B3GNT2: variants seen among roughly 807,000 people sequenced by gnomAD.
The protein encoded by B3GNT2 is UDP-GlcNAc:betaGal beta-1,3-N-acetylglucosaminyltransferase 2, also known as N-acetyllactosaminide beta-1,3-N-acetylglucosaminyltransferase 2.
In B3GNT2, 12 loss-of-function variants were observed where a neutral mutation model predicts 27.6. That is an observed-to-expected ratio of 0.44 (90% CI 0.28 to 0.71). B3GNT2 has a LOEUF of 0.71. Ranked by LOEUF, B3GNT2 falls within the 30% of genes least tolerant of loss-of-function variation. B3GNT2 has a pLI of 0.17. For synonymous variants in B3GNT2, 192 were observed against 189.7 expected, an observed-to-expected ratio of 1.01 and a Z score of -0.10; for missense variants, 413 against 488.5, an observed-to-expected ratio of 0.85 and a Z score of 1.46.
chr2:62,197,074 G>A (rs973046642), intron 1 of B3GNT2, among the ~76,000 whole-genome samples: 5 of 152,000 alleles, frequency 3.3e-5, no homozygotes, highest in East Asian at 1.9e-4. Flanking sequence ...GATTAACCAG[G>A]CTGCTAGCCC....
At chr2:62,204,084 T>C (rs1674322999) in intron 1 of B3GNT2, among the ~76,000 whole-genome samples, 1 of 152,208 alleles carries the variant, frequency 6.6e-6, no homozygotes, top group East Asian at 1.9e-4. Context: ...CGGAGCGCAA[T>C]GGCATGACCT....
chr2:62,199,593 C>A (rs1469965867), intron 1 of B3GNT2, among the ~76,000 whole-genome samples: 3 of 152,156 alleles, frequency 2.0e-5, no homozygotes, highest in Non-Finnish European at 4.4e-5. Flanking sequence ...GCCTTTTGGT[C>A]TCTTATGTAA....
At chr2:62,216,214 C>A (rs918021213) in intron 1 of B3GNT2, among the ~76,000 whole-genome samples, 2 of 152,074 alleles carry the variant, frequency 1.3e-5, no homozygotes, top group Non-Finnish European at 2.9e-5. Flanking sequence ...CAGGGATTCC[C>A]AGTCTAGTGT....
rs563519168 is a variant in B3GNT2, at chr2:62,205,555, G to A, written c.-10+9200G>A. ...CCAGCCTTTGAGAAAGGGAGAAGAGGCGGGACAGGAATCCGAGATGGAGCA... is the reference window on the plus strand; with the variant it reads ...CCAGCCTTTGAGAAAGGGAGAAGAGACGGGACAGGAATCCGAGATGGAGCA... On this transcript the variant is annotated intron_variant, in intron 1 of 1. Transcript: ENST00000301998. 1.0e-3 allele frequency among the ~76,000 whole-genome samples: 156 copies of A among 152,328 alleles called. 1 individual carries two copies. Among genetic ancestry groups the A allele is most frequent in the Non-Finnish European group, 1.8e-3 (122 of 68,032 alleles).
chr2:62,219,091 A>G (rs997504182), intron 1 of B3GNT2, among the ~76,000 whole-genome samples: 1 of 152,212 alleles, frequency 6.6e-6, no homozygotes, highest in African/African-American at 2.4e-5. Flanking sequence ...ATCTAGATGT[A>G]TAAACTTGTT....
intron 1 of B3GNT2, among the ~76,000 whole-genome samples, chr2:62,214,520 A>G (rs1674535695): frequency 6.6e-6 from 1 of 152,202 alleles, no homozygotes; most frequent in African/African-American, 2.4e-5. Context: ...GGAAGCTAAT[A>G]TCTGGAGTTA....
intron 1 of B3GNT2, among the ~76,000 whole-genome samples, chr2:62,204,896 G>A (rs1166450558): frequency 3.3e-5 from 5 of 152,182 alleles, no homozygotes; most frequent in Non-Finnish European, 7.3e-5. Context: ...CGGCTTCAGG[G>A]TGATGATTCT....
chr2:62,204,682 A>G (rs1409088140), intron 1 of B3GNT2, among the ~76,000 whole-genome samples: 1 of 152,154 alleles, frequency 6.6e-6, no homozygotes, highest in Non-Finnish European at 1.5e-5. Context: ...CTTTTCCTTT[A>G]CCACATAAGG....
rs7598268 is a variant in B3GNT2, at chr2:62,203,346, G to A, written c.-10+6991G>A. On this transcript the variant is annotated intron_variant, in intron 1 of 1. Transcript: ENST00000301998. Reference sequence around the variant, plus strand: ...AGGGCCATGACACAGGTATATTGGGGCATTTTTTAGCATACGGGATATGGG... The same window carrying A: ...AGGGCCATGACACAGGTATATTGGGACATTTTTTAGCATACGGGATATGGG... 7.8e-3 allele frequency among the ~76,000 whole-genome samples: 1,184 copies of A among 152,224 alleles called. 7 individuals are homozygous for A. Among genetic ancestry groups the A allele is most frequent in the African/African-American group, 0.027 (1,128 of 41,524 alleles).
chr2:62,204,162 G>A (rs768406470), intron 1 of B3GNT2, among the ~76,000 whole-genome samples: 1 of 152,132 alleles, frequency 6.6e-6, no homozygotes, highest in Non-Finnish European at 1.5e-5. Context: ...GAGTAGCTGG[G>A]ATTACAGGCA....
Position 62,222,918 on chromosome 2 carries a change from C to T in B3GNT2, c.698C>T (p.Thr233Ile). 1.2e-6 allele frequency: 2 copies of T among 1,614,218 alleles called. No homozygotes were observed. The highest frequency in any genetic ancestry group is 1.7e-5 in the Admixed American group (1 of 60,028). Residue 233 changes from threonine (T) to isoleucine (I), a missense_variant, in exon 2 of 2, where the codon ACT becomes ATT. Coordinates refer to ENST00000301998, the MANE Select transcript of B3GNT2 (RefSeq NM_006577.6). The surrounding 1 kb of genome is among the most constrained non-coding windows in gnomAD (Gnocchi z 4.2). ...KEVLFLRWVS[T>I]SCPDTEFVFK... ...GTGCTGTTTCTCAGGTGGGTAAGTA[C>T]TTCCTGCCCAGACACTGAGTTTGTT...
At chr2:62,204,889 C>T (rs535052198) in intron 1 of B3GNT2, among the ~76,000 whole-genome samples, 57 of 152,268 alleles carry the variant, frequency 3.7e-4, no homozygotes, top group African/African-American at 1.4e-3. Flanking sequence ...CCACCAGCGG[C>T]TTCAGGGTGA....
chr2:62,201,752 A>G (rs914211086), intron 1 of B3GNT2, among the ~76,000 whole-genome samples: 6 of 152,248 alleles, frequency 3.9e-5, no homozygotes, highest in African/African-American at 1.4e-4. Flanking sequence ...CACCACTATA[A>G]CTACATTAAC....
chr2:62,209,900 T>C (rs1400354657), intron 1 of B3GNT2, among the ~76,000 whole-genome samples: 1 of 152,186 alleles, frequency 6.6e-6, no homozygotes, highest in Non-Finnish European at 1.5e-5. Context: ...CTCTCATCCT[T>C]TCGTATGAAT....
chr2:62,223,138 A>C lies in B3GNT2; in HGVS notation c.918A>C (p.Gly306=). 6.2e-7 allele frequency: 1 copy of C among 1,614,020 alleles called. No individual in the cohort carries two copies. The highest frequency in any genetic ancestry group is 2.2e-5 in the East Asian group (1 of 44,876). Residue 306 remains glycine (G), a synonymous_variant, in exon 2 of 2, where the codon GGA becomes GGC. Coordinates refer to ENST00000301998, the MANE Select transcript of B3GNT2 (RefSeq NM_006577.6). ...GCCTCTACCCACCCTATGCAGGGGG[A>C]GGGGGGTTCCTCTACTCCGGCCACC... ...YSGLYPPYAG[G]GGFLYSGHLA...
intron 1 of B3GNT2, among the ~76,000 whole-genome samples, chr2:62,202,619 G>A (rs531884366): frequency 6.6e-6 from 1 of 152,286 alleles, no homozygotes; most frequent in Admixed American, 6.5e-5. Flanking sequence ...TGAGGAAGAT[G>A]GGCCTGAGCG....
At chr2:62,213,290 T>G (rs955100321) in intron 1 of B3GNT2, among the ~76,000 whole-genome samples, 3 of 152,194 alleles carry the variant, frequency 2.0e-5, no homozygotes, top group Admixed American at 6.5e-5. Context: ...GCGGAGACCC[T>G]GTCTCAAAAA....
intron 1 of B3GNT2, among the ~76,000 whole-genome samples, chr2:62,203,566 C>T (rs1474710323): frequency 6.6e-6 from 1 of 151,962 alleles, no homozygotes; most frequent in African/African-American, 2.4e-5. Context: ...ATTGGGTGCC[C>T]TAGAAAGTCA....
At chr2:62,212,595 T>G (rs1674500955) in intron 1 of B3GNT2, among the ~76,000 whole-genome samples, 3 of 151,754 alleles carry the variant, frequency 2.0e-5, no homozygotes. Flanking sequence ...CAGACTTGCT[T>G]GCCTGTACCC....
Sources: gnomAD v4.1 joint callset for allele counts (sites outside exome capture counted in the v4.1 genomes callset) on GRCh38, gnomAD v4.1.1 for gene constraint, Gnocchi (gnomAD v3.1) non-coding constraint, MANE v1.5 for transcripts, NCBI Gene and HGNC (gene_info 2026-07-23, HGNC 2026-07-21) for gene names.